Variants in EYS observed in about 807,000 individuals in gnomAD.
EYS encodes EGF-like photoreceptor maintenance factor.
In EYS, 250 loss-of-function variants were observed where a neutral mutation model predicts 282.1. The ratio of observed to expected loss-of-function variants is 0.89; its 90% CI spans 0.80 to 0.98. The LOEUF is 0.98. Among genes scored for constraint, EYS ranks in the 50% least tolerant of loss-of-function variants. The pLI is 0.00. For synonymous variants in EYS, 1,355 were observed against 1,282.9 expected (o/e 1.06, Z -1.20); for missense variants, 4,016 against 3,709.0 (o/e 1.08, Z -2.15).
intron 36 of EYS, among the ~76,000 whole-genome samples, chr6:63,830,420 C>A (rs1048459692): frequency 2.6e-5 from 4 of 152,154 alleles, no homozygotes; most frequent in Non-Finnish European, 4.4e-5. Context: ...CTACATGATG[C>A]ATGCACAAGC....
chr6:64,365,218 A>G (rs533167509), intron 29 of EYS, among the ~76,000 whole-genome samples: 1 of 152,140 alleles, frequency 6.6e-6, no homozygotes, highest in South Asian at 2.1e-4. Flanking sequence ...CAAATGAGAG[A>G]AAAAAGCAGG....
chr6:64,388,803 A>T lies in EYS; in HGVS notation c.5965T>A (p.Leu1989Ile). Residue 1989 changes from leucine to isoleucine, a missense_variant, in exon 29 of 43, where the codon TTA (leucine) becomes ATA (isoleucine). Physicochemically the swap from Leu to Ile is conservative, Grantham distance 5. Coordinates refer to ENST00000503581, the MANE Select transcript of EYS (RefSeq NM_001142800.2). ...TCGCATATTTGTGTATTCCTCCCTA[A>T]AATAGTCAGCTCAGCGTTACATGGA... ...LDPCNAELTI[L>I]GRNTQICESI... 6.5e-7 allele frequency: 1 copy of T among 1,542,552 alleles called. No individual in the cohort carries two copies. Among genetic ancestry groups the T allele is most frequent in the Non-Finnish European group, 8.8e-7 (1 of 1,142,734 alleles).
intron 22 of EYS, among the ~76,000 whole-genome samples, chr6:64,701,352 A>G (rs977628627): frequency 3.9e-5 from 6 of 152,132 alleles, no homozygotes; most frequent in Non-Finnish European, 8.8e-5. Context: ...GAAAATAGAT[A>G]AATGAGACTT....
chr6:63,814,101 A>G (rs1016796605), intron 36 of EYS, among the ~76,000 whole-genome samples: 3 of 152,220 alleles, frequency 2.0e-5, no homozygotes, highest in African/African-American at 7.2e-5. Context: ...TTATCAAACT[A>G]TGTACGTGGT....
chr6:63,948,264 A>G (rs900861245), intron 35 of EYS, among the ~76,000 whole-genome samples: 1 of 152,204 alleles, frequency 6.6e-6, no homozygotes, highest in African/African-American at 2.4e-5. Flanking sequence ...GAAGATGGAT[A>G]TGCCTTTTTT....
intron 16 of EYS, among the ~76,000 whole-genome samples, chr6:64,908,968 T>G (rs1767911294): frequency 6.6e-6 from 1 of 152,130 alleles, no homozygotes; most frequent in African/African-American, 2.4e-5. Flanking sequence ...CTTTCAAGCT[T>G]TAAACTGGCA....
intron 22 of EYS, among the ~76,000 whole-genome samples, chr6:64,676,073 G>T (rs188582734): frequency 8.2e-5 from 12 of 146,720 alleles, no homozygotes; most frequent in African/African-American, 2.7e-4. Context: ...TCTATATATA[G>T]ATAGATAGAG....
chr6:65,581,812 T>A (rs909052529), intron 2 of EYS, among the ~76,000 whole-genome samples: 2 of 152,150 alleles, frequency 1.3e-5, no homozygotes. Context: ...GCAAGGTAAA[T>A]CCATTATATC....
At chr6:64,562,136 G>T (rs1765416322) in intron 26 of EYS, among the ~76,000 whole-genome samples, 1 of 151,584 alleles carries the variant, frequency 6.6e-6, no homozygotes, top group African/African-American at 2.4e-5. Context: ...CCTTCTTAGA[G>T]ACTACATTTA....
chr6:64,970,634 A>T (rs1770257249), intron 14 of EYS, among the ~76,000 whole-genome samples: 1 of 152,206 alleles, frequency 6.6e-6, no homozygotes, highest in Non-Finnish European at 1.5e-5. Flanking sequence ...GCATCACAGT[A>T]AAAAGTGATT....
intron 35 of EYS, among the ~76,000 whole-genome samples, chr6:63,873,990 T>G (rs1362498886): frequency 3.3e-5 from 5 of 152,178 alleles, no homozygotes; most frequent in Non-Finnish European, 5.9e-5. Flanking sequence ...CAGAAGCTCT[T>G]TAGTTTAATT....
At chr6:64,419,932 T>A (rs1393472431) in intron 28 of EYS, among the ~76,000 whole-genome samples, 1 of 152,182 alleles carries the variant, frequency 6.6e-6, no homozygotes, top group Non-Finnish European at 1.5e-5. Flanking sequence ...AGTGCCCAAG[T>A]GGGGATTCTG....
At chr6:64,146,490 T>C (rs1306600716) in intron 31 of EYS, among the ~76,000 whole-genome samples, 1 of 152,158 alleles carries the variant, frequency 6.6e-6, no homozygotes, top group South Asian at 2.1e-4. Flanking sequence ...ATAGTTTATA[T>C]GGAATGTGAT....
At chr6:64,216,051 G>A (rs1765917445) in intron 31 of EYS, among the ~76,000 whole-genome samples, 2 of 152,192 alleles carry the variant, frequency 1.3e-5, no homozygotes, top group African/African-American at 4.8e-5. Context: ...TCTAGGTTTG[G>A]ATGGCAGGAG....
chr6:65,336,501 A>G (rs1315797229), intron 10 of EYS, among the ~76,000 whole-genome samples: 1 of 151,630 alleles, frequency 6.6e-6, no homozygotes, highest in East Asian at 1.9e-4. Context: ...ACAATTTTTT[A>G]AAATTCCATT....
intron 12 of EYS, among the ~76,000 whole-genome samples, chr6:65,075,234 A>G (rs1042250058): frequency 3.9e-5 from 6 of 151,964 alleles, no homozygotes; most frequent in Admixed American, 2.6e-4. Flanking sequence ...CAAGGGTGTA[A>G]TAATCTAACC....
intron 14 of EYS, among the ~76,000 whole-genome samples, chr6:64,993,377 C>G (rs1269774682): frequency 6.6e-6 from 1 of 151,688 alleles, no homozygotes; most frequent in African/African-American, 2.4e-5. Context: ...TATATATACA[C>G]CATGGACTAC....
At chr6:64,311,301 A>G (rs1261429396) in intron 29 of EYS, among the ~76,000 whole-genome samples, 1 of 152,136 alleles carries the variant, frequency 6.6e-6, no homozygotes, top group Non-Finnish European at 1.5e-5. Context: ...TCATATGACA[A>G]TTTGTAATGT....
intron 33 of EYS, among the ~76,000 whole-genome samples, chr6:64,006,674 A>G (rs1005084562): frequency 2.6e-5 from 4 of 152,036 alleles, no homozygotes; most frequent in Non-Finnish European, 4.4e-5. Flanking sequence ...CAATGCCTAA[A>G]TGCCTAGTTT....
Sources: gnomAD v4.1 joint callset for allele counts (sites outside exome capture counted in the v4.1 genomes callset) on GRCh38, gnomAD v4.1.1 for gene constraint, MANE v1.5 for transcripts, NCBI Gene and HGNC (gene_info 2026-07-23, HGNC 2026-07-21) for gene names.